The following FARS2 variants were observed in gnomAD, a reference collection of about 807,000 sequenced individuals.
FARS2 encodes the protein phenylalanine--tRNA ligase, mitochondrial.
A neutral mutation model predicts 46.4 loss-of-function variants in FARS2; 40 were observed. That is an observed-to-expected ratio of 0.86 (90% CI 0.67 to 1.12). The LOEUF is 1.12. Ranked by LOEUF, FARS2 falls within the 50% of genes most tolerant of loss-of-function variation. FARS2 has a pLI of 0.00. For missense variants in FARS2, 513 were observed against 567.9 expected (o/e 0.90, Z 0.98); for synonymous variants, 234 against 214.9 (o/e 1.09, Z -0.78).
At chr6:5,395,516 A>T (rs1446365856) in intron 2 of FARS2, among the ~76,000 whole-genome samples, 2 of 152,124 alleles carry the variant, frequency 1.3e-5, no homozygotes, top group Non-Finnish European at 2.9e-5. Flanking sequence ...AGTAGGGATG[A>T]CACTCTCTAC....
intron 6 of FARS2, among the ~76,000 whole-genome samples, chr6:5,753,104 G>A (rs1762037365): frequency 6.6e-6 from 1 of 152,180 alleles, no homozygotes; most frequent in African/African-American, 2.4e-5. Context: ...TCTTGTTTTA[G>A]GCACCTAAAA....
chr6:5,250,211 C>T, the FARS2 span, among the ~76,000 whole-genome samples: 1 of 151,512 alleles, frequency 6.6e-6, no homozygotes, highest in Non-Finnish European at 1.5e-5. Flanking sequence ...TTATATTTTA[C>T]TATATGTATT....
At chr6:5,256,265 G>A (rs1468862395), upstream of FARS2, among the ~76,000 whole-genome samples, 4 of 151,772 alleles carry the variant, frequency 2.6e-5, no homozygotes, top group Admixed American at 6.6e-5. Context: ...CGAGGTGGGC[G>A]GATCACCTTA....
chr6:5,271,481 A>G (rs1428486499), intron 1 of FARS2, among the ~76,000 whole-genome samples: 3 of 151,900 alleles, frequency 2.0e-5, no homozygotes, highest in African/African-American at 7.3e-5. Flanking sequence ...CACTAGAGCA[A>G]TCTTGCCAGA....
intron 1 of FARS2, among the ~76,000 whole-genome samples, chr6:5,298,720 T>G (rs1768069795): frequency 6.6e-6 from 1 of 152,162 alleles, no homozygotes; most frequent in Admixed American, 6.5e-5. Flanking sequence ...ACTACTGTAA[T>G]TTCTTTTTAA....
At chr6:5,479,052 T>C (rs1049605563) in intron 4 of FARS2, among the ~76,000 whole-genome samples, 6 of 152,254 alleles carry the variant, frequency 3.9e-5, no homozygotes, top group African/African-American at 1.4e-4. Flanking sequence ...AGTAAAATTA[T>C]GGCTTCTGGG....
chr6:5,346,590 A>G (rs1216705371), intron 1 of FARS2, among the ~76,000 whole-genome samples: 2 of 152,130 alleles, frequency 1.3e-5, no homozygotes, highest in East Asian at 1.9e-4. Flanking sequence ...TACTTTTCCC[A>G]CCAACATTTT....
At chr6:5,331,318 A>G (rs569132512) in intron 1 of FARS2, among the ~76,000 whole-genome samples, 2 of 152,172 alleles carry the variant, frequency 1.3e-5, no homozygotes, top group African/African-American at 2.4e-5. Flanking sequence ...TTAAAGTGCT[A>G]TGTGTTTAGA....
chr6:5,557,458 G>T (rs1771727770), intron 5 of FARS2, among the ~76,000 whole-genome samples: 1 of 152,144 alleles, frequency 6.6e-6, no homozygotes, highest in African/African-American at 2.4e-5. Flanking sequence ...GACCTCAGCA[G>T]ACTTCCCTCA....
At chr6:5,313,819 C>T (rs1378240972) in intron 1 of FARS2, among the ~76,000 whole-genome samples, 1 of 151,474 alleles carries the variant, frequency 6.6e-6, no homozygotes, top group African/African-American at 2.4e-5. Context: ...ATGGAGTCAC[C>T]TGGGAATTTA....
intron 1 of FARS2, among the ~76,000 whole-genome samples, chr6:5,283,501 A>G (rs1766894767): frequency 6.8e-6 from 1 of 147,666 alleles, no homozygotes; most frequent in Admixed American, 6.8e-5. Context: ...GTAAGCTGAG[A>G]TTGCGCCACT....
rs75741032 is a variant in FARS2, at chr6:5,517,288, G to T, written c.905-27892G>T. ...CTAGTGAACACTTGAAATATGGCTT[G>T]TTCCAACAGATATGTGCTTTAAGTA... is the stretch of plus-strand genomic sequence containing the variant. On this transcript the variant is annotated intron_variant, in intron 4 of 6. Coordinates refer to ENST00000274680, the MANE Select transcript of FARS2 (RefSeq NM_006567.5). 3.5e-3 allele frequency among the ~76,000 whole-genome samples: 536 copies of T among 152,214 alleles called. 3 individuals are homozygous for T. Among genetic ancestry groups the T allele is most frequent in the African/African-American group, 0.012 (501 of 41,550 alleles).
intron 4 of FARS2, among the ~76,000 whole-genome samples, chr6:5,511,828 G>A (rs1214697444): frequency 6.6e-6 from 1 of 152,118 alleles, no homozygotes; most frequent in Non-Finnish European, 1.5e-5. Flanking sequence ...TCTCTGAGTG[G>A]CTGCTGAGAA....
At chr6:5,279,958 C>T (rs1338450684) in intron 1 of FARS2, among the ~76,000 whole-genome samples, 3 of 152,188 alleles carry the variant, frequency 2.0e-5, no homozygotes, top group South Asian at 2.1e-4. Flanking sequence ...CTGGGCACCC[C>T]AAGGCCCAGT....
In FARS2 at chr6:5,727,713, T is replaced by C. The variant is rs573292500; in HGVS notation, c.1218-43578T>C. On this transcript the variant is annotated intron_variant, in intron 6 of 6. Transcript: ENST00000274680. The surrounding 1 kb of genome is among the most constrained non-coding windows in gnomAD (Gnocchi z 4.1). ...GGTCTGAGGAGTTCACAGATTGGAG[T>C]GCCACAGGGATCATATTTTCAGGTG... 7.9e-5 allele frequency among the ~76,000 whole-genome samples: 12 copies of C among 152,238 alleles called. No homozygotes were observed. In the South Asian group the frequency reaches 2.1e-3, roughly 26 times the overall value.
intron 4 of FARS2, among the ~76,000 whole-genome samples, chr6:5,444,217 C>A (rs9504396): frequency 1.1e-4 from 17 of 151,658 alleles, no homozygotes; most frequent in Middle Eastern, 6.9e-3. Context: ...GCCTGTAATC[C>A]GAGCACTTTG....
intron 6 of FARS2, among the ~76,000 whole-genome samples, chr6:5,650,606 G>A (rs936451267): frequency 8.6e-5 from 13 of 151,890 alleles, no homozygotes; most frequent in Admixed American, 2.6e-4. Flanking sequence ...TCAGCCTCCC[G>A]AGTAGCTGGG....
At chr6:5,598,268 C>T (rs978791288) in intron 5 of FARS2, among the ~76,000 whole-genome samples, 3 of 152,042 alleles carry the variant, frequency 2.0e-5, no homozygotes, top group Admixed American at 6.5e-5. Context: ...CTGTAGTTCC[C>T]GCTACTCTGG....
intron 1 of FARS2, among the ~76,000 whole-genome samples, chr6:5,263,194 A>T (rs1402975137): frequency 6.6e-6 from 1 of 152,220 alleles, no homozygotes; most frequent in African/African-American, 2.4e-5. Flanking sequence ...TTTCTACCTA[A>T]TTATCAAGGA....
Sources: allele counts gnomAD v4.1 joint callset (sites outside exome capture counted in the v4.1 genomes callset), GRCh38; gene constraint gnomAD v4.1.1; non-coding constraint Gnocchi (gnomAD v3.1); transcripts MANE v1.5; gene names NCBI Gene and HGNC (gene_info 2026-07-23, HGNC 2026-07-21).